CRIM1: variants seen among roughly 807,000 people sequenced by gnomAD.
CRIM1 encodes the protein cysteine-rich motor neuron 1 protein.
A neutral mutation model predicts 116.4 loss-of-function variants in CRIM1; 32 were observed. The observed-to-expected ratio is 0.27, with a 90% confidence interval of 0.21 to 0.37. The LOEUF is 0.37. Among genes scored for constraint, CRIM1 ranks in the 10% least tolerant of loss-of-function variants. The pLI, the probability that CRIM1 is intolerant of heterozygous loss-of-function variation, is 1.00. For missense variants in CRIM1, 1,331 were observed against 1,354.8 expected (o/e 0.98, Z 0.28); for synonymous variants, 590 against 509.2 (o/e 1.16, Z -2.13).
At chr2:36,365,736 GTTT>G (rs756853852) in intron 1 of CRIM1, among the ~76,000 whole-genome samples, 1 of 137,602 alleles carries the variant, frequency 7.3e-6, no homozygotes. Flanking sequence ...CTATGTTTGT[GTTT>G]TTTTTTTTTT....
intron 1 of CRIM1, among the ~76,000 whole-genome samples, chr2:36,385,154 C>T (rs1045284500): frequency 6.6e-6 from 1 of 151,180 alleles, no homozygotes; most frequent in Non-Finnish European, 1.5e-5. Flanking sequence ...CTTTGTAGAC[C>T]AGTATTAGAG....
chr2:36,393,836 G>A (rs980257920), intron 1 of CRIM1, among the ~76,000 whole-genome samples: 11 of 152,242 alleles, frequency 7.2e-5, no homozygotes, highest in African/African-American at 2.7e-4. Flanking sequence ...ATTAGGATGT[G>A]AGAGCGACTG....
At chr2:36,426,090 T>G (rs1192258593) in intron 2 of CRIM1, among the ~76,000 whole-genome samples, 1 of 152,222 alleles carries the variant, frequency 6.6e-6, no homozygotes, top group African/African-American at 2.4e-5. Context: ...GAATAACATG[T>G]TCCTAGAAAG....
At chr2:36,439,083 C>T (rs1441584659) in intron 2 of CRIM1, among the ~76,000 whole-genome samples, 1 of 152,150 alleles carries the variant, frequency 6.6e-6, no homozygotes, top group Non-Finnish European at 1.5e-5. Context: ...AGGGTAGAGG[C>T]CTGCAAATGA....
rs778536740 is a variant in CRIM1 at position 36,546,942 on chromosome 2, T to C, written c.2747-42T>C. On this transcript the variant is annotated intron_variant, in intron 15 of 16. Transcript: ENST00000280527. ...TGTCATTAAAATAATCCTTAACAATTCTGGTTTAGGTAATAAATGCTTATA... is the reference window on the plus strand; with the variant it reads ...TGTCATTAAAATAATCCTTAACAATCCTGGTTTAGGTAATAAATGCTTATA... 6 of 1,140,956 alleles carry C rather than the reference T, an allele frequency of 5.3e-6. No homozygotes were observed. The East Asian group carries it at 1.4e-4, about 27-fold the overall frequency. The allele number at this position is 1,140,956 out of a possible 1,614,324, so 70.7% of individuals were successfully genotyped here.
intron 4 of CRIM1, among the ~76,000 whole-genome samples, chr2:36,449,239 C>T (rs1241906584): frequency 6.6e-6 from 1 of 152,148 alleles, no homozygotes; most frequent in Admixed American, 6.5e-5. Flanking sequence ...GTATCACTCT[C>T]CTGTTTCATA....
intron 14 of CRIM1, among the ~76,000 whole-genome samples, chr2:36,543,690 T>A (rs1174231845): frequency 8.3e-6 from 1 of 120,000 alleles, no homozygotes; most frequent in Admixed American, 9.0e-5. Flanking sequence ...AAGTTCTGAT[T>A]TTTTTTTTTT....
In CRIM1 at chr2:36,523,511, G is replaced by A. The variant is rs149098749; in HGVS notation, c.2428+1198G>A. Among the ~76,000 whole-genome samples the A allele has an allele frequency of 2.8e-3, 433 of 152,324 alleles. 1 individual carries two copies. The highest frequency in any genetic ancestry group is 9.9e-3 in the African/African-American group (412 of 41,572). On this transcript the variant is annotated intron_variant, in intron 13 of 16. Coordinates refer to ENST00000280527, the MANE Select transcript of CRIM1 (RefSeq NM_016441.3). ...GGTCCAAAAGGTGAGACAGCTGGCA[G>A]TTCTATCAAGGACAGCCCGTGTTCC...
At chr2:36,516,193 C>T (rs367837751) in intron 11 of CRIM1, among the ~76,000 whole-genome samples, 2 of 152,174 alleles carry the variant, frequency 1.3e-5, no homozygotes, top group Non-Finnish European at 2.9e-5. Context: ...TCATGCTAAC[C>T]ACCACTTTGA....
chr2:36,430,475 T>C (rs1175834737), intron 2 of CRIM1, among the ~76,000 whole-genome samples: 4 of 152,210 alleles, frequency 2.6e-5, no homozygotes, highest in Non-Finnish European at 5.9e-5. Context: ...ACAGGTCAAG[T>C]TGTAGTTCAG....
chr2:36,503,175 C>T (rs1039723683), intron 8 of CRIM1, among the ~76,000 whole-genome samples: 1 of 152,108 alleles, frequency 6.6e-6, no homozygotes, highest in Non-Finnish European at 1.5e-5. Flanking sequence ...CAGATTCTTG[C>T]GATCGTATGC....
At chr2:36,429,792 C>G (rs926158339) in intron 2 of CRIM1, among the ~76,000 whole-genome samples, 16 of 152,184 alleles carry the variant, frequency 1.1e-4, no homozygotes, top group South Asian at 2.1e-4. Context: ...ATTTGGCAAT[C>G]TGTGCTTAAA....
intron 2 of CRIM1, among the ~76,000 whole-genome samples, chr2:36,420,106 CCT>C (rs1325849647): frequency 1.3e-5 from 2 of 152,124 alleles, no homozygotes; most frequent in Non-Finnish European, 1.5e-5. Context: ...AACTTCCTGC[CCT>C]CTTTCTTCTT....
At position 36,512,269 on chromosome 2, in the gene CRIM1, C is replaced by G; in HGVS notation, c.1659-4C>G. 1 of 1,611,264 alleles carries G rather than the reference C, an allele frequency of 6.2e-7. No homozygotes were observed. On this transcript the variant is annotated splice_region_variant and splice_polypyrimidine_tract_variant and intron_variant, in intron 9 of 16. Transcript: ENST00000280527. Reference sequence around the variant, plus strand: ...TGACCTCTGACAAAATTTTAATTACCCAGGAAGAATAAGCACGGCTGTGAC... The same window carrying G: ...TGACCTCTGACAAAATTTTAATTACGCAGGAAGAATAAGCACGGCTGTGAC...
In CRIM1 at chr2:36,441,160, T is replaced by C; in HGVS notation, c.506-98T>C. 2.0e-6 allele frequency: 3 copies of C among 1,505,188 alleles called. No homozygotes were observed. The South Asian group carries it at 3.7e-5, about 18-fold the overall frequency. 93.2% of individuals were successfully genotyped at this position (1,505,188 alleles called of 1,614,324 possible). On this transcript the variant is annotated intron_variant, in intron 2 of 16. Coordinates refer to ENST00000280527, the MANE Select transcript of CRIM1 (RefSeq NM_016441.3). Reference sequence around the variant, plus strand: ...CTGAATTTCTTTCCCTACCGTCCTCTTTGGCTACTTAAATAGATCATCAGG... The same window carrying C: ...CTGAATTTCTTTCCCTACCGTCCTCCTTGGCTACTTAAATAGATCATCAGG...
In CRIM1 at chr2:36,399,033, C is replaced by T. The variant is rs563705364; in HGVS notation, c.505+2246C>T. 3.3e-4 allele frequency among the ~76,000 whole-genome samples: 50 copies of T among 151,842 alleles called. 1 individual carries two copies. In the South Asian group the frequency reaches 9.0e-3, roughly 27 times the overall value. On this transcript the variant is annotated intron_variant, in intron 2 of 16. Transcript: ENST00000280527. Reference sequence around the variant, plus strand: ...ATTTCAGAAGTGAGGCCAACATGGACGAAAGAAGAAAATGTGGAAGTGGGA... The same window carrying T: ...ATTTCAGAAGTGAGGCCAACATGGATGAAAGAAGAAAATGTGGAAGTGGGA...
chr2:36,400,617 A>G (rs1208683375), intron 2 of CRIM1, among the ~76,000 whole-genome samples: 2 of 152,224 alleles, frequency 1.3e-5, no homozygotes, highest in Non-Finnish European at 2.9e-5. Context: ...GATTTATGGA[A>G]TGTGGGAGAT....
At chr2:36,494,141 G>A (rs1296925458) in intron 7 of CRIM1, among the ~76,000 whole-genome samples, 1 of 152,126 alleles carries the variant, frequency 6.6e-6, no homozygotes, top group African/African-American at 2.4e-5. Flanking sequence ...GTTTAGTACC[G>A]TGGCCTTGAA....
chr2:36,361,158 C>G (rs76072593), intron 1 of CRIM1, among the ~76,000 whole-genome samples: 1,633 of 152,260 alleles, frequency 0.011, 25 homozygotes, highest in African/African-American at 0.038. Context: ...ATTGAGGAGT[C>G]CTGTCACATA....
Sources: allele counts gnomAD v4.1 joint callset (sites outside exome capture counted in the v4.1 genomes callset), GRCh38; gene constraint gnomAD v4.1.1; transcripts MANE v1.5; gene names NCBI Gene and HGNC (gene_info 2026-07-23, HGNC 2026-07-21).